Variants in CNNM2 observed in about 807,000 individuals in gnomAD.
CNNM2 encodes the protein metal transporter CNNM2.
CNNM2 carries 12 observed loss-of-function variants against 66.9 expected under a neutral mutation model. The observed-to-expected ratio is 0.18, with a 90% CI of 0.11 to 0.29. The LOEUF is 0.29. Among genes scored for constraint, CNNM2 ranks in the 10% least tolerant of loss-of-function variants. The pLI is 1.00. For missense variants in CNNM2, 705 were observed against 1,167.7 expected, an observed-to-expected ratio of 0.60 and a Z score of 5.77; for synonymous variants, 557 against 501.8, an observed-to-expected ratio of 1.11 and a Z score of -1.47.
chr10:102,970,155 AAG>A (rs1458328505), intron 1 of CNNM2, among the ~76,000 whole-genome samples: 4 of 152,176 alleles, frequency 2.6e-5, no homozygotes, highest in African/African-American at 9.7e-5. Flanking sequence ...TCGAAAGTAA[AAG>A]AATACTATTT....
chr10:103,050,453 C>A (rs1037899983), intron 2 of CNNM2, among the ~76,000 whole-genome samples: 6 of 151,426 alleles, frequency 4.0e-5, no homozygotes, highest in Admixed American at 1.3e-4. Context: ...AGGAGAATCG[C>A]TTGAACCCAG....
intron 1 of CNNM2, among the ~76,000 whole-genome samples, chr10:103,004,828 T>A (rs2064194875): frequency 6.6e-6 from 1 of 152,228 alleles, no homozygotes; most frequent in African/African-American, 2.4e-5. Flanking sequence ...TGTTTTCACA[T>A]AAATTTTATA....
In CNNM2 at chr10:102,920,089, G is replaced by A; in HGVS notation, c.1609G>A (p.Glu537Lys). 6.2e-7 allele frequency: 1 copy of A among 1,614,188 alleles called. No homozygotes were observed. The highest frequency in any genetic ancestry group is 8.5e-7 in the Non-Finnish European group (1 of 1,180,042). The change falls in exon 1 of 8, where the codon GAA becomes AAA. Residue 537 changes from glutamate to lysine, a missense_variant. Transcript: ENST00000369878. ...NDTKLDAMLE[E>K]FKKGKSHLAI... ...CACCAAGTTGGACGCTATGCTGGAA[G>A]AATTTAAGAAAGGTGGGAAATTTTG...
At chr10:102,979,360 A>T (rs1158751146) in intron 1 of CNNM2, among the ~76,000 whole-genome samples, 3 of 152,180 alleles carry the variant, frequency 2.0e-5, no homozygotes, top group Non-Finnish European at 2.9e-5. Flanking sequence ...TTCTCTTTGA[A>T]CATGCTAAGC....
In CNNM2 at chr10:102,929,925, A is replaced by T. The variant is rs529014751; in HGVS notation, c.1621+9824A>T. On this transcript the variant is annotated intron_variant, in intron 1 of 7. Transcript: ENST00000369878. ...AAAAGTATAAAAAATGGTAATGCCT[A>T]ATATAGCAAGTTTGTATTGCTTATA... 2.0e-5 allele frequency among the ~76,000 whole-genome samples: 3 copies of T among 152,348 alleles called. No homozygotes were observed. The South Asian group carries it at 6.2e-4, about 32-fold the overall frequency.
intron 1 of CNNM2, among the ~76,000 whole-genome samples, chr10:102,933,079 C>T (rs1343841072): frequency 2.0e-5 from 3 of 152,178 alleles, no homozygotes. Context: ...CCTCCAACTT[C>T]ATTCTTCCTT....
intron 1 of CNNM2, among the ~76,000 whole-genome samples, chr10:103,026,048 T>C (rs947306853): frequency 6.6e-6 from 1 of 152,214 alleles, no homozygotes; most frequent in African/African-American, 2.4e-5. Flanking sequence ...GCAAGTTCAG[T>C]CCCCTCTTGC....
At chr10:103,056,741 TA>T (rs1238391365) in intron 3 of CNNM2, 53 bp from the exon 4 acceptor site, 2 of 1,509,840 alleles carry the variant, frequency 1.3e-6, no homozygotes, top group Admixed American at 1.8e-5. Context: ...ATTAATAGTA[TA>T]ATTTTTCTCT....
chr10:102,999,777 A>G (rs2064080799), intron 1 of CNNM2, among the ~76,000 whole-genome samples: 2 of 152,234 alleles, frequency 1.3e-5, no homozygotes, highest in Non-Finnish European at 2.9e-5. Flanking sequence ...GCCAATAAGC[A>G]CATGTAAAGA....
intron 1 of CNNM2, among the ~76,000 whole-genome samples, chr10:103,034,972 C>CAAAAAAAAAAAAAAAAAAAAAAA (rs71019651): frequency 1.4e-5 from 1 of 71,134 alleles, no homozygotes; most frequent in Non-Finnish European, 2.7e-5. Flanking sequence ...GACTCCGTCT[C>CAAAAAAAAAAAAAAAAAAAAAAA]AAAAAAAAAA....
chr10:102,987,562 C>T (rs1241850425), intron 1 of CNNM2, among the ~76,000 whole-genome samples: 3 of 152,076 alleles, frequency 2.0e-5, no homozygotes, highest in Non-Finnish European at 2.9e-5. Flanking sequence ...ACCTCGTGAT[C>T]TGCCCGCCTC....
intron 5 of CNNM2, among the ~76,000 whole-genome samples, chr10:103,070,806 T>C (rs538722434): frequency 6.6e-6 from 1 of 152,296 alleles, no homozygotes; most frequent in South Asian, 2.1e-4. Flanking sequence ...GGCACATGCC[T>C]GTAGTCCTAG....
intron 1 of CNNM2, among the ~76,000 whole-genome samples, chr10:102,983,668 T>C (rs7909040): frequency 8.6e-5 from 13 of 151,984 alleles, no homozygotes; most frequent in African/African-American, 3.1e-4. Context: ...CTTGAACTCT[T>C]GGGCTCAAGT....
At chr10:102,976,553 C>G (rs1265788264) in intron 1 of CNNM2, among the ~76,000 whole-genome samples, 2 of 147,864 alleles carry the variant, frequency 1.4e-5, no homozygotes, top group African/African-American at 2.5e-5. Flanking sequence ...TCAAGCAGTT[C>G]CCTTGCCTCA....
intron 1 of CNNM2, among the ~76,000 whole-genome samples, chr10:102,971,103 G>A (rs1405805098): frequency 6.6e-6 from 1 of 151,944 alleles, no homozygotes; most frequent in Admixed American, 6.6e-5. Context: ...GTAGGCTGAG[G>A]TGGGAGGATC....
intron 1 of CNNM2, among the ~76,000 whole-genome samples, chr10:102,990,781 T>C (rs1440933970): frequency 6.6e-6 from 1 of 152,156 alleles, no homozygotes; most frequent in Non-Finnish European, 1.5e-5. Flanking sequence ...GTGAGAGAAG[T>C]GTGTATCTGT....
intron 4 of CNNM2, among the ~76,000 whole-genome samples, chr10:103,059,229 C>T (rs1369640759): frequency 6.6e-6 from 1 of 152,182 alleles, no homozygotes; most frequent in Non-Finnish European, 1.5e-5. Context: ...CTGCCTTAGC[C>T]TCCCAAAGCA....
intron 1 of CNNM2, among the ~76,000 whole-genome samples, chr10:103,010,256 G>T (rs1251771303): frequency 1.3e-5 from 2 of 150,650 alleles, no homozygotes; most frequent in East Asian, 1.9e-4. Flanking sequence ...TTTTCCCCTG[G>T]AGACAGAGTT....
Position 103,083,223 on chromosome 10 carries a change from T to C in CNNM2, c.*6043T>C, listed in dbSNP as rs2065773656. ...CCTAAATAAGCACAAATGACATGTA[T>C]AGGATTGAGCTGATTGTCTTAATGA... On this transcript the variant is annotated 3_prime_UTR_variant, in exon 8 of 8. Transcript: ENST00000369878. 6.6e-6 allele frequency: 1 copy of C among 152,250 alleles called. No individual in the cohort carries two copies. Among genetic ancestry groups the C allele is most frequent in the Admixed American group, 6.5e-5 (1 of 15,288 alleles). 9.4% of individuals were successfully genotyped at this position (152,250 alleles called of 1,614,324 possible).
Sources: gnomAD v4.1 joint callset for allele counts (sites outside exome capture counted in the v4.1 genomes callset) on GRCh38, gnomAD v4.1.1 for gene constraint, MANE v1.5 for transcripts, NCBI Gene and HGNC (gene_info 2026-07-23, HGNC 2026-07-21) for gene names.